The following USO1 variants were observed in gnomAD, a reference collection of about 807,000 sequenced individuals.
USO1 encodes the protein USO1 vesicle transport factor.
A neutral mutation model predicts 124.5 loss-of-function variants in USO1; 57 were observed. That is an observed-to-expected ratio of 0.46 (90% CI 0.37 to 0.57). USO1 has a LOEUF of 0.57. Ranked by LOEUF, USO1 falls within the 20% of genes least tolerant of loss-of-function variation. The probability of loss-of-function intolerance (pLI) is 0.00; values close to 1 mark genes in which losing one functional copy is unlikely to be tolerated. For missense variants in USO1, 900 were observed against 1,040.6 expected, an observed-to-expected ratio of 0.86 and a Z score of 1.86; for synonymous variants, 369 against 362.8, an observed-to-expected ratio of 1.02 and a Z score of -0.19.
rs1202265476 is a variant in USO1 at position 75,813,805 on chromosome 4, G to A, written c.*510G>A. 3 of 152,492 alleles carry A rather than the reference G, an allele frequency of 2.0e-5. No individual in the cohort carries two copies. Among genetic ancestry groups the A allele is most frequent in the Non-Finnish European group, 4.4e-5 (3 of 68,276 alleles). 9.4% of individuals were successfully genotyped at this position (152,492 alleles called of 1,614,324 possible). ...CATCAGCCCTCCATCTAATGTGATT[G>A]CTAAGATGTGCAGGATAGGACAGCT... On this transcript the variant is annotated 3_prime_UTR_variant, in exon 24 of 24. Coordinates refer to ENST00000514213, the MANE Select transcript of USO1 (RefSeq NM_003715.4).
At chr4:75,773,196 T>C (rs1159929988) in intron 7 of USO1, among the ~76,000 whole-genome samples, 2 of 151,442 alleles carry the variant, frequency 1.3e-5, no homozygotes, top group South Asian at 2.1e-4. Flanking sequence ...TTTTCAACTT[T>C]TATTTGAGAC....
At position 75,752,384 on chromosome 4, in the gene USO1, T is replaced by C; in HGVS notation, c.78T>C (p.Leu26=). Residue 26 remains leucine (L), a synonymous_variant, in exon 2 of 24, where the codon CTT becomes CTC. Transcript: ENST00000514213. ...QHTEAETIQK[L]CDRVASSTLL... is the part of the protein sequence containing the mutation. The stretch of plus-strand genomic sequence containing the variant: ...TTTTTTCATGACAGATTCAAAAGCT[T>C]TGTGACAGAGTAGCTTCATCTACTT... The C allele has an allele frequency of 2.5e-6, 1 of 398,362 alleles. No homozygotes were observed. The highest frequency in any genetic ancestry group is 4.4e-6 in the Non-Finnish European group (1 of 225,964). 24.7% of individuals were successfully genotyped at this position (398,362 alleles called of 1,614,324 possible). A position where few individuals can be genotyped will look rare whatever the true frequency, so the allele number is the denominator to read the frequency against.
intron 8 of USO1, among the ~76,000 whole-genome samples, chr4:75,775,741 A>G (rs1025992636): frequency 3.9e-5 from 6 of 152,188 alleles, no homozygotes; most frequent in Admixed American, 2.6e-4. Flanking sequence ...AGACAAGAGA[A>G]CATAGTATAT....
intron 13 of USO1, among the ~76,000 whole-genome samples, chr4:75,797,414 A>G (rs1229658700): frequency 2.0e-5 from 3 of 149,432 alleles, no homozygotes; most frequent in Admixed American, 1.3e-4. Context: ...ATATGGGCCC[A>G]TTTTTCTGGA....
chr4:75,802,724 T>C (rs1355330031), intron 17 of USO1, among the ~76,000 whole-genome samples: 1 of 148,724 alleles, frequency 6.7e-6, no homozygotes, highest in Non-Finnish European at 1.5e-5. Context: ...TTTCCATTTT[T>C]CTTTTTCTTT....
chr4:75,749,000 G>T (rs909042041), intron 1 of USO1, among the ~76,000 whole-genome samples: 7 of 151,780 alleles, frequency 4.6e-5, no homozygotes, highest in African/African-American at 1.7e-4. Context: ...TAGGAAAAGT[G>T]TCAACCAGTT....
intron 13 of USO1, among the ~76,000 whole-genome samples, chr4:75,796,964 G>T (rs1722703146): frequency 6.8e-6 from 1 of 146,672 alleles, no homozygotes. Context: ...ATCTTTTATG[G>T]CTTCTGCATT....
At chr4:75,799,949 T>G (rs1271184725) in intron 14 of USO1, among the ~76,000 whole-genome samples, 1 of 147,310 alleles carries the variant, frequency 6.8e-6, no homozygotes, top group Non-Finnish European at 1.5e-5. Context: ...TGAAATTTCT[T>G]TTTTTTTTTT....
At chr4:75,741,959 C>T (rs1356087374) in intron 1 of USO1, among the ~76,000 whole-genome samples, 1 of 152,130 alleles carries the variant, frequency 6.6e-6, no homozygotes, top group Non-Finnish European at 1.5e-5. Context: ...GCAGGGTCAT[C>T]AATATCACTG....
Position 75,772,115 on chromosome 4 carries a change from G to A in USO1, c.555+978G>A, listed in dbSNP as rs560411670. Among the ~76,000 whole-genome samples the A allele has an allele frequency of 2.8e-4, 42 of 152,286 alleles. No homozygotes were observed. The South Asian group carries it at 8.5e-3, about 31-fold the overall frequency. On this transcript the variant is annotated intron_variant, in intron 7 of 23. Transcript: ENST00000514213. Reference sequence around the variant, plus strand: ...TTAATGGCAAAGCAGAGACAAAACTGAAGCATTCTTAACTCCTAGTCTATG... The same window carrying A: ...TTAATGGCAAAGCAGAGACAAAACTAAAGCATTCTTAACTCCTAGTCTATG...
chr4:75,733,856 A>G (rs189630244), intron 1 of USO1, among the ~76,000 whole-genome samples: 149 of 151,640 alleles, frequency 9.8e-4, no homozygotes, highest in African/African-American at 3.4e-3. Flanking sequence ...TTTTTGTCAC[A>G]ATTGCTTTTG....
chr4:75,725,938 C>T (rs544752382), intron 1 of USO1, among the ~76,000 whole-genome samples: 17 of 152,236 alleles, frequency 1.1e-4, no homozygotes, highest in African/African-American at 3.1e-4. Context: ...AACTACCCTG[C>T]AAGATAGGTG....
At chr4:75,740,488 G>A (rs187055126) in intron 1 of USO1, among the ~76,000 whole-genome samples, 33 of 152,296 alleles carry the variant, frequency 2.2e-4, no homozygotes, top group Non-Finnish European at 4.4e-4. Context: ...GGATCTAGCT[G>A]TGTTGCCCAG....
chr4:75,771,220 G>A, intron 7 of USO1, 83 bp downstream of exon 7: 1 of 1,440,220 alleles, frequency 6.9e-7, no homozygotes. Flanking sequence ...TGAGTTTTAG[G>A]AAATTAGATT....
intron 1 of USO1, among the ~76,000 whole-genome samples, chr4:75,743,218 C>T (rs1721017370): frequency 1.3e-5 from 2 of 152,114 alleles, no homozygotes; most frequent in Admixed American, 6.5e-5. Flanking sequence ...ATCTCCTGAC[C>T]TCGTGATCCA....
rs146437956 is a variant in USO1, at chr4:75,771,105, C to G, written c.523C>G (p.Leu175Val). ...PMGVSRLMDLLADSREVIRND... is the reference protein window; with the variant it reads ...PMGVSRLMDLVADSREVIRND... ...AGGTGTTTCAAGATTGATGGACTTACTAGCGGATTCCAGGGAAGTTATACG... is the reference window on the plus strand; with the variant it reads ...AGGTGTTTCAAGATTGATGGACTTAGTAGCGGATTCCAGGGAAGTTATACG... The change falls in exon 7 of 24, where the codon CTA becomes GTA. Residue 175 changes from leucine (L) to valine (V), a missense_variant. Coordinates refer to ENST00000514213, the MANE Select transcript of USO1 (RefSeq NM_003715.4). 4.3e-6 allele frequency: 7 copies of G among 1,611,684 alleles called. No homozygotes were observed. The Admixed American group carries it at 1.2e-4, about 27-fold the overall frequency.
At chr4:75,751,725 G>C (rs1721301409) in intron 1 of USO1, among the ~76,000 whole-genome samples, 1 of 151,444 alleles carries the variant, frequency 6.6e-6, no homozygotes, top group Admixed American at 6.6e-5. Flanking sequence ...CATCTTTTCA[G>C]GGGGGCCGAG....
intron 17 of USO1, among the ~76,000 whole-genome samples, chr4:75,802,131 T>G (rs1193380269): frequency 6.6e-6 from 1 of 152,234 alleles, no homozygotes; most frequent in Non-Finnish European, 1.5e-5. Flanking sequence ...CTACTGAGAT[T>G]AAAATTTTAA....
intron 11 of USO1, 50 bp downstream of exon 11, chr4:75,790,288 G>A (rs1358001367): frequency 1.0e-5 from 16 of 1,548,980 alleles, no homozygotes; most frequent in Non-Finnish European, 1.4e-5. Context: ...AAAACTTTGG[G>A]TTGTTAATGT....
Sources: allele counts gnomAD v4.1 joint callset (sites outside exome capture counted in the v4.1 genomes callset), GRCh38; gene constraint gnomAD v4.1.1; transcripts MANE v1.5; gene names NCBI Gene and HGNC (gene_info 2026-07-23, HGNC 2026-07-21).